Variants in PRXL2A observed in about 807,000 individuals in gnomAD.
The protein encoded by PRXL2A is peroxiredoxin-like 2A.
A neutral mutation model predicts 25.6 loss-of-function variants in PRXL2A; 26 were observed. The ratio of observed to expected loss-of-function variants is 1.02; its 90% CI spans 0.74 to 1.41. PRXL2A has a LOEUF of 1.41. Ranked by LOEUF, PRXL2A falls within the 40% of genes most tolerant of loss-of-function variation. The pLI, the probability that PRXL2A is intolerant of heterozygous loss-of-function variation, is 0.00. For missense variants in PRXL2A, 246 were observed against 273.9 expected, an observed-to-expected ratio of 0.90 and a Z score of 0.72; for synonymous variants, 98 against 102.9, an observed-to-expected ratio of 0.95 and a Z score of 0.29.
intron 5 of PRXL2A, 50 bp downstream of exon 5, chr10:80,427,546 T>A (rs1845091818): frequency 6.3e-7 from 1 of 1,586,576 alleles, no homozygotes; most frequent in Admixed American, 1.7e-5. Flanking sequence ...TGTCTGTGAG[T>A]GTGAGACTCC....
rs868020467 is a variant in PRXL2A at position 80,437,058 on chromosome 10, T to G, written c.*4959T>G. 3.3e-5 allele frequency: 5 copies of G among 152,256 alleles called. No homozygotes were observed. Among genetic ancestry groups the G allele is most frequent in the Non-Finnish European group, 5.9e-5 (4 of 68,050 alleles). 9.4% of individuals were successfully genotyped at this position (152,256 alleles called of 1,614,324 possible). A position where few individuals can be genotyped will look rare whatever the true frequency, so the allele number is the denominator to read the frequency against. On this transcript the variant is annotated 3_prime_UTR_variant, in exon 6 of 6. Coordinates refer to ENST00000606162, the MANE Select transcript of PRXL2A (RefSeq NM_032333.5). ...TTCCCCTGTATCTTGGGGTCTTCAT[T>G]CTGAGGGCTCACATACAATTATGAT...
At chr10:80,430,187 A>AC (rs569665980) in intron 5 of PRXL2A, among the ~76,000 whole-genome samples, 209 of 113,026 alleles carry the variant, frequency 1.8e-3, no homozygotes, top group Middle Eastern at 7.2e-3. Flanking sequence ...TGCAACCTCC[A>AC]CCCCCCCGGG....
chr10:80,408,664 C>G (rs1844350828), intron 1 of PRXL2A, 21 bp downstream of exon 1: 1 of 152,530 alleles, frequency 6.6e-6, no homozygotes, highest in African/African-American at 2.4e-5. Context: ...CGCGCCGGGG[C>G]TCCGCGAGGC....
At chr10:80,426,096 G>C in intron 4 of PRXL2A, 90 bp downstream of exon 4, 1 of 1,525,478 alleles carries the variant, frequency 6.6e-7, no homozygotes, top group South Asian at 1.2e-5. Flanking sequence ...GTCTGGCCTG[G>C]AGCTGGAGGC....
chr10:80,420,082 ATTG>A (rs2131891995), intron 1 of PRXL2A: 1 of 987,814 alleles, frequency 1.0e-6, no homozygotes, highest in Admixed American at 6.1e-5. Flanking sequence ...AGAATCAGGC[ATTG>A]ATGAGGAGGG....
chr10:80,428,098 G>A (rs565407904), intron 5 of PRXL2A, among the ~76,000 whole-genome samples: 1 of 152,132 alleles, frequency 6.6e-6, no homozygotes, highest in East Asian at 1.9e-4. Context: ...TTTTCTGTGG[G>A]GATCTTGGTG....
chr10:80,413,258 A>C (rs1844534558), intron 1 of PRXL2A, among the ~76,000 whole-genome samples: 1 of 152,098 alleles, frequency 6.6e-6, no homozygotes, highest in African/African-American at 2.4e-5. Flanking sequence ...GGGTCAGAAC[A>C]GCAATAGGAA....
chr10:80,428,580 A>G (rs1217594292), intron 5 of PRXL2A, among the ~76,000 whole-genome samples: 1 of 151,498 alleles, frequency 6.6e-6, no homozygotes, highest in Non-Finnish European at 1.5e-5. Flanking sequence ...GAGGCAGGAG[A>G]TTTGCTTGAA....
At chr10:80,407,971 G>C (rs2131868876), upstream of PRXL2A, 1 of 152,222 alleles carries the variant, frequency 6.6e-6, no homozygotes, top group East Asian at 1.9e-4. Flanking sequence ...GTGGATGAGC[G>C]GTGTGTGACA....
chr10:80,411,044 C>T (rs1844462876), intron 1 of PRXL2A, among the ~76,000 whole-genome samples: 1 of 152,186 alleles, frequency 6.6e-6, no homozygotes, highest in Non-Finnish European at 1.5e-5. Context: ...CCCCAAGGAG[C>T]AGGGCTGAGA....
In PRXL2A at chr10:80,432,316, T is replaced by G. The variant is rs1845291494; in HGVS notation, c.*217T>G. Reference sequence around the variant, plus strand: ...AATCTGAAAAACTAATGAGGATTATTAAGCTAAAACCTGGGAAATAGGAGG... The same window carrying G: ...AATCTGAAAAACTAATGAGGATTATGAAGCTAAAACCTGGGAAATAGGAGG... On this transcript the variant is annotated 3_prime_UTR_variant, in exon 6 of 6. Transcript: ENST00000606162. 3 of 486,764 alleles carry G rather than the reference T, an allele frequency of 6.2e-6. No homozygotes were observed. In the South Asian group the frequency reaches 9.6e-5, roughly 16 times the overall value. The allele number at this position is 486,764 out of a possible 1,614,324, so 30.2% of individuals were successfully genotyped here. A position where few individuals can be genotyped will look rare whatever the true frequency, so the allele number is the denominator to read the frequency against.
intron 3 of PRXL2A, among the ~76,000 whole-genome samples, chr10:80,424,046 T>C (rs1047958454): frequency 6.6e-6 from 1 of 152,204 alleles, no homozygotes; most frequent in Non-Finnish European, 1.5e-5. Context: ...GCCATTAAAA[T>C]CCAGAAGGTT....
intron 4 of PRXL2A, 86 bp downstream of exon 4, chr10:80,426,092 C>T: frequency 6.4e-7 from 1 of 1,550,952 alleles, no homozygotes; most frequent in Middle Eastern, 2.0e-4. Context: ...GTATGTCTGG[C>T]CTGGAGCTGG....
At chr10:80,408,480 C>T, upstream of PRXL2A, 1 of 152,468 alleles carries the variant, frequency 6.6e-6, no homozygotes, top group Non-Finnish European at 1.5e-5. Flanking sequence ...CCACGGGGGG[C>T]GGGGCGGGTC....
intron 3 of PRXL2A, 131 bp downstream of exon 3, chr10:80,422,639 C>T (rs1162525065): frequency 8.3e-6 from 4 of 481,834 alleles, no homozygotes; most frequent in South Asian, 3.0e-5. Flanking sequence ...GTTATTTGCT[C>T]TAGGTATTTC....
chr10:80,418,498 T>G (rs561223792), intron 1 of PRXL2A, among the ~76,000 whole-genome samples: 15 of 151,462 alleles, frequency 9.9e-5, no homozygotes, highest in African/African-American at 3.6e-4. Context: ...CCCCCACCCT[T>G]GGCAGTGACA....
intron 3 of PRXL2A, among the ~76,000 whole-genome samples, chr10:80,424,169 C>CT (rs1844955574): frequency 6.6e-6 from 1 of 152,052 alleles, no homozygotes; most frequent in Non-Finnish European, 1.5e-5. Flanking sequence ...GGATGGCAAT[C>CT]TGAGTTATTT....
intron 1 of PRXL2A, among the ~76,000 whole-genome samples, chr10:80,411,100 A>G (rs7082705): frequency 0.79 from 119,695 of 152,160 alleles, 47,985 homozygotes; most frequent in East Asian, 0.97. Flanking sequence ...CAAGTGACTG[A>G]TTTTGTGGTA....
At chr10:80,411,456 A>T (rs947839826) in intron 1 of PRXL2A, among the ~76,000 whole-genome samples, 1 of 152,204 alleles carries the variant, frequency 6.6e-6, no homozygotes, top group East Asian at 1.9e-4. Context: ...CTGCCATGCT[A>T]TTCCAGCCTT....
Sources: allele counts gnomAD v4.1 joint callset (sites outside exome capture counted in the v4.1 genomes callset), GRCh38; gene constraint gnomAD v4.1.1; transcripts MANE v1.5; gene names NCBI Gene and HGNC (gene_info 2026-07-23, HGNC 2026-07-21).